Variants in PRKAR1A observed in about 807,000 individuals in gnomAD.
The protein encoded by PRKAR1A is cAMP-dependent protein kinase type I-alpha regulatory subunit.
PRKAR1A carries 3 observed loss-of-function variants against 52.0 expected under a neutral mutation model. The observed-to-expected ratio is 0.06, with a 90% CI of 0.03 to 0.15. PRKAR1A has a LOEUF of 0.15. Among genes scored for constraint, PRKAR1A ranks in the 10% least tolerant of loss-of-function variants. The pLI, the probability that PRKAR1A is intolerant of heterozygous loss-of-function variation, is 1.00. For synonymous variants in PRKAR1A, 188 were observed against 168.4 expected (o/e 1.12, Z -0.90); for missense variants, 240 against 477.4 (o/e 0.50, Z 4.63).
chr17:68,523,897 T>C (rs1600481532), intron 4 of PRKAR1A, 81 bp downstream of exon 4: 2 of 1,576,164 alleles, frequency 1.3e-6, no homozygotes, highest in East Asian at 4.5e-5. Context: ...TTGCAAGTTT[T>C]AGAGCTCTTA....
At chr17:68,543,057 C>T (rs1211531313) in intron 11 of PRKAR1A, among the ~76,000 whole-genome samples, 1 of 152,138 alleles carries the variant, frequency 6.6e-6, no homozygotes, top group Non-Finnish European at 1.5e-5. Context: ...GGCAAACCTT[C>T]CCACCATCCC....
the PRKAR1A span, among the ~76,000 whole-genome samples, chr17:68,470,576 A>G: frequency 6.6e-6 from 1 of 152,190 alleles, no homozygotes; most frequent in African/African-American, 2.4e-5. Flanking sequence ...CTTAATATTA[A>G]AATACATTTG....
At chr17:68,446,138 T>C in the PRKAR1A span, among the ~76,000 whole-genome samples, 54 of 152,144 alleles carry the variant, frequency 3.5e-4, no homozygotes, top group African/African-American at 1.3e-3. Context: ...ATGATGAAGG[T>C]CATCAGTGTT....
At chr17:68,434,747 C>T in the PRKAR1A span, 1 of 943,764 alleles carries the variant, frequency 1.1e-6, no homozygotes, top group South Asian at 1.6e-5. Flanking sequence ...AAGAACACCA[C>T]GTTGAGCATA....
chr17:68,516,725 A>G (rs1263170284), intron 2 of PRKAR1A, among the ~76,000 whole-genome samples: 3 of 135,302 alleles, frequency 2.2e-5, no homozygotes, highest in Non-Finnish European at 4.9e-5. Flanking sequence ...TGATCAGAAT[A>G]ATTAAAAAAA....
chr17:68,415,944 G>A, the PRKAR1A span, among the ~76,000 whole-genome samples: 1 of 152,178 alleles, frequency 6.6e-6, no homozygotes, highest in Non-Finnish European at 1.5e-5. Context: ...GCAGCAGATG[G>A]TTGGTTGGTG....
intron 1 of PRKAR1A, chr17:68,513,195 C>T (rs1399127447): frequency 6.6e-6 from 1 of 152,312 alleles, no homozygotes; most frequent in African/African-American, 2.4e-5. Context: ...GTCTCGGCTT[C>T]CCTTCATTTT....
downstream of PRKAR1A, among the ~76,000 whole-genome samples, chr17:68,533,894 G>T (rs2086040957): frequency 1.3e-5 from 2 of 152,156 alleles, no homozygotes; most frequent in South Asian, 4.1e-4. Flanking sequence ...CACCCAGCTA[G>T]TTTTTTGTAT....
At chr17:68,435,206 CAAA>C in the PRKAR1A span, among the ~76,000 whole-genome samples, 1 of 139,176 alleles carries the variant, frequency 7.2e-6, no homozygotes, top group Non-Finnish European at 1.5e-5. Context: ...GACTCCACCT[CAAA>C]AAAAAAAAAA....
At position 68,531,059 on chromosome 17, in the gene PRKAR1A, T is replaced by TA. The variant is rs947771196; in HGVS notation, c.*612dup. The TA allele has an allele frequency of 5.6e-6, 6 of 1,067,958 alleles. No individual in the cohort carries two copies. Among genetic ancestry groups the TA allele is most frequent in the African/African-American group, 1.7e-5 (1 of 59,906 alleles). The allele number at this position is 1,067,958 out of a possible 1,614,324, so 66.2% of individuals were successfully genotyped here. On this transcript the variant is annotated 3_prime_UTR_variant, in exon 11 of 11. Coordinates refer to ENST00000589228, the MANE Select transcript of PRKAR1A (RefSeq NM_002734.5). ...TTTCCAGAGTTGTTGTTTGCCAAGCTAATCTGCCTGGTTTTATTTATATCT... is the reference window on the plus strand; with the variant it reads ...TTTCCAGAGTTGTTGTTTGCCAAGCTAAATCTGCCTGGTTTTATTTATATCT...
chr17:68,532,541 A>T lies in PRKAR1A; in HGVS notation c.*2092A>T. On this transcript the variant is annotated 3_prime_UTR_variant, in exon 11 of 11. Coordinates refer to ENST00000589228, the MANE Select transcript of PRKAR1A (RefSeq NM_002734.5). ...TATGTGAGAAATCAGAATTGGCATA[A>T]TTTGTCTTAGTTGATATTCAAGGCT... 9.4e-7 allele frequency: 1 copy of T among 1,065,630 alleles called. No individual in the cohort carries two copies. Among genetic ancestry groups the T allele is most frequent in the Non-Finnish European group, 1.1e-6 (1 of 879,244 alleles). The allele number at this position is 1,065,630 out of a possible 1,614,324, so 66.0% of individuals were successfully genotyped here.
upstream of PRKAR1A, among the ~76,000 whole-genome samples, chr17:68,510,934 G>A (rs117542915): frequency 3.0e-3 from 453 of 152,214 alleles, 25 homozygotes; most frequent in East Asian, 0.065. Context: ...CTGCCCAATA[G>A]GAATATAATG....
chr17:68,448,745 G>A, the PRKAR1A span, among the ~76,000 whole-genome samples: 97 of 152,168 alleles, frequency 6.4e-4, no homozygotes, highest in African/African-American at 2.2e-3. Flanking sequence ...CCTTGTATAC[G>A]GATTACTACT....
At chr17:68,542,635 T>TG in intron 11 of PRKAR1A, 1 of 1,285,568 alleles carries the variant, frequency 7.8e-7, no homozygotes, top group Non-Finnish European at 1.1e-6. Flanking sequence ...AATGGAGGGG[T>TG]GGACACTCTG....
chr17:68,478,569 G>A, the PRKAR1A span, among the ~76,000 whole-genome samples: 7 of 152,148 alleles, frequency 4.6e-5, no homozygotes, highest in East Asian at 5.8e-4. Context: ...TTTGTATTGC[G>A]ATCTGATTAT....
downstream of PRKAR1A, chr17:68,537,396 G>A (rs1406140164): frequency 1.3e-6 from 2 of 1,566,260 alleles, no homozygotes; most frequent in Non-Finnish European, 1.8e-6. This position sits in a 1 kb window ranked among gnomAD's most constrained non-coding sequence, Gnocchi z 4.2. Context: ...AGTAACAGGT[G>A]GGAGTGAGGA....
chr17:68,478,322 T>A, the PRKAR1A span, among the ~76,000 whole-genome samples: 2 of 151,992 alleles, frequency 1.3e-5, no homozygotes, highest in African/African-American at 4.8e-5. Context: ...CATGGTGGCG[T>A]GCGCCTGTAG....
rs758964755 is a variant in PRKAR1A at position 68,540,919 on chromosome 17, C to T, written c.974-10165C>T. On this transcript the variant is annotated intron_variant, in intron 11 of 11. Coordinates refer to the PRKAR1A transcript ENST00000585981. Reference sequence around the variant, plus strand: ...GCTGGCTGTTGTTGTACGGGTAGATCTGTTTCACTGTGTCACAGTAAAGGG... The same window carrying T: ...GCTGGCTGTTGTTGTACGGGTAGATTTGTTTCACTGTGTCACAGTAAAGGG... The T allele has an allele frequency of 1.9e-6, 3 of 1,601,736 alleles. No individual in the cohort carries two copies. The African/African-American group carries it at 4.0e-5, about 21-fold the overall frequency.
chr17:68,491,174 G>T, the PRKAR1A span, among the ~76,000 whole-genome samples: 1 of 150,286 alleles, frequency 6.7e-6, no homozygotes, highest in East Asian at 2.0e-4. Flanking sequence ...TCACTGCAAC[G>T]TCTGCCTTCT....
Sources: allele counts gnomAD v4.1 joint callset (sites outside exome capture counted in the v4.1 genomes callset), GRCh38; gene constraint gnomAD v4.1.1; non-coding constraint Gnocchi (gnomAD v3.1); transcripts MANE v1.5; gene names NCBI Gene and HGNC (gene_info 2026-07-23, HGNC 2026-07-21).